TMCC1: variants seen among roughly 807,000 people sequenced by gnomAD.
TMCC1 encodes transmembrane and coiled-coil domain family 1.
TMCC1 carries 15 observed loss-of-function variants against 52.4 expected under a neutral mutation model. The observed-to-expected ratio is 0.29, with a 90% confidence interval of 0.19 to 0.44. The LOEUF (loss-of-function observed/expected upper bound fraction) is 0.44. Among genes scored for constraint, TMCC1 ranks in the 20% least tolerant of loss-of-function variants. The pLI is 1.00. For synonymous variants in TMCC1, 279 were observed against 301.9 expected (o/e 0.92, Z 0.79); for missense variants, 503 against 806.0 (o/e 0.62, Z 4.55).
chr3:129,792,177 T>TATATATATATACATATATATATATACAC (rs1214135101), intron 4 of TMCC1, among the ~76,000 whole-genome samples: 48 of 148,572 alleles, frequency 3.2e-4, no homozygotes, highest in African/African-American at 8.4e-4. Context: ...TTCAACTGTA[T>TATATATATATACATATATATATATACAC]ATATATATAT....
At chr3:129,867,982 G>C (rs188042884) in intron 2 of TMCC1, among the ~76,000 whole-genome samples, 39 of 152,244 alleles carry the variant, frequency 2.6e-4, no homozygotes, top group African/African-American at 8.7e-4. Context: ...CACTACGTTA[G>C]ACTAGTACCC....
chr3:129,760,639 G>A lies in TMCC1; in HGVS notation c.576+67164C>T, dbSNP rs576099771. Among the ~76,000 whole-genome samples the A allele has an allele frequency of 4.6e-3, 692 of 151,986 alleles. 8 individuals are homozygous for A. The highest frequency in any genetic ancestry group is 0.016 in the African/African-American group (659 of 41,484). ...ACTACAGGCGCCCGCCACCATGCCC[G>A]GCTAATTTTTTGTATTTTTAGTAGA... On this transcript the variant is annotated intron_variant, in intron 4 of 6. Transcript: ENST00000393238.
intron 2 of TMCC1, among the ~76,000 whole-genome samples, chr3:129,872,145 G>A (rs1227639381): frequency 5.9e-5 from 9 of 152,302 alleles, no homozygotes; most frequent in Non-Finnish European, 1.0e-4. Flanking sequence ...AGCCACAGTT[G>A]TTATTCCAAC....
At chr3:129,811,696 C>A (rs2057815608) in intron 4 of TMCC1, among the ~76,000 whole-genome samples, 1 of 152,038 alleles carries the variant, frequency 6.6e-6, no homozygotes, top group Non-Finnish European at 1.5e-5. Context: ...GTAATCCCAG[C>A]ACTTTGGGAG....
chr3:129,814,920 C>G (rs1468206222), intron 4 of TMCC1, among the ~76,000 whole-genome samples: 1 of 151,980 alleles, frequency 6.6e-6, no homozygotes, highest in African/African-American at 2.4e-5. Context: ...ATTAGTAGAT[C>G]TAAAGGGAGA....
chr3:129,725,511 A>G (rs2050004133), intron 4 of TMCC1, among the ~76,000 whole-genome samples: 1 of 152,174 alleles, frequency 6.6e-6, no homozygotes, highest in Non-Finnish European at 1.5e-5. Flanking sequence ...GAAAAAAGAA[A>G]TAGAAAAAAG....
rs1383150876 is a variant in TMCC1 at position 129,649,350 on chromosome 3, G to A, written c.*2131C>T. 1 of 152,120 alleles carries A rather than the reference G, an allele frequency of 6.6e-6. No individual in the cohort carries two copies. Among genetic ancestry groups the A allele is most frequent in the South Asian group, 2.1e-4 (1 of 4,830 alleles). 9.4% of individuals were successfully genotyped at this position (152,120 alleles called of 1,614,324 possible). ...CTAAAAAGTCACTGCAATATTTTTAGGCAAAGTTAACATTTTAATACATAT... is the reference window on the plus strand; with the variant it reads ...CTAAAAAGTCACTGCAATATTTTTAAGCAAAGTTAACATTTTAATACATAT... On this transcript the variant is annotated 3_prime_UTR_variant, in exon 7 of 7. Transcript: ENST00000393238.
At chr3:129,716,622 T>G (rs1048774132) in intron 4 of TMCC1, among the ~76,000 whole-genome samples, 2 of 151,860 alleles carry the variant, frequency 1.3e-5, no homozygotes, top group East Asian at 3.9e-4. Context: ...GTGCTGGGAT[T>G]ACAGGCATGA....
chr3:129,842,658 T>C (rs919462944), intron 2 of TMCC1, among the ~76,000 whole-genome samples: 1 of 152,108 alleles, frequency 6.6e-6, no homozygotes, highest in African/African-American at 2.4e-5. Flanking sequence ...TTCTGTGCCA[T>C]AAAAGAAATC....
At position 129,875,818 on chromosome 3, in the gene TMCC1, A is replaced by AT. The variant is rs765317588; in HGVS notation, c.-184+4490_-184+4491insA. ...GCTCATCTGGCTGAGTATGCTACAT[A>AT]GACTGGATACTTTTACCAAAGAATA... is the stretch of plus-strand genomic sequence containing the variant. On this transcript the variant is annotated intron_variant, in intron 2 of 6. Transcript: ENST00000393238. Among the ~76,000 whole-genome samples, 614 of 152,344 alleles carry AT rather than the reference A, an allele frequency of 4.0e-3. 6 individuals carry two copies. The highest frequency in any genetic ancestry group is 5.6e-3 in the Non-Finnish European group (379 of 68,026).
intron 5 of TMCC1, among the ~76,000 whole-genome samples, chr3:129,655,512 T>C (rs182409408): frequency 6.6e-6 from 1 of 152,130 alleles, no homozygotes; most frequent in African/African-American, 2.4e-5. Flanking sequence ...CAGTCACCAG[T>C]AGCTTATTCC....
At chr3:129,699,587 T>C (rs1488615696) in intron 4 of TMCC1, among the ~76,000 whole-genome samples, 1 of 151,764 alleles carries the variant, frequency 6.6e-6, no homozygotes, top group Non-Finnish European at 1.5e-5. Context: ...TCCTTTACTT[T>C]CTTAATAAAC....
chr3:129,711,702 A>T (rs1359312135), intron 4 of TMCC1, among the ~76,000 whole-genome samples: 4 of 151,380 alleles, frequency 2.6e-5, no homozygotes, highest in South Asian at 4.2e-4. Flanking sequence ...ATAATAATAA[A>T]AAATTAGGCC....
At chr3:129,823,818 C>T (rs2058536718) in intron 4 of TMCC1, among the ~76,000 whole-genome samples, 1 of 152,054 alleles carries the variant, frequency 6.6e-6, no homozygotes, top group South Asian at 2.1e-4. Context: ...TCCTAAGATT[C>T]AAAGCTATTG....
chr3:129,834,464 A>G (rs917659462), intron 2 of TMCC1, among the ~76,000 whole-genome samples: 1 of 152,210 alleles, frequency 6.6e-6, no homozygotes, highest in Non-Finnish European at 1.5e-5. Flanking sequence ...GGTTGTTGAA[A>G]CCAACCAATT....
intron 4 of TMCC1, among the ~76,000 whole-genome samples, chr3:129,790,395 A>G (rs1308246935): frequency 6.6e-6 from 1 of 152,254 alleles, no homozygotes; most frequent in African/African-American, 2.4e-5. Context: ...GGTTACCTAC[A>G]GAGATAGGGG....
intron 4 of TMCC1, among the ~76,000 whole-genome samples, chr3:129,761,648 T>G (rs1360061348): frequency 1.3e-5 from 2 of 152,166 alleles, no homozygotes; most frequent in Non-Finnish European, 2.9e-5. Flanking sequence ...TGAATTTCAT[T>G]ACTTTATTCT....
intron 4 of TMCC1, among the ~76,000 whole-genome samples, chr3:129,706,890 C>T (rs534997933): frequency 6.6e-6 from 1 of 152,050 alleles, no homozygotes; most frequent in African/African-American, 2.4e-5. Context: ...CTCACTGCAG[C>T]CTCAAACTCC....
At position 129,697,818 on chromosome 3, in the gene TMCC1, A is replaced by C. The variant is rs370775006; in HGVS notation, c.577-26554T>G. Reference sequence around the variant, plus strand: ...GTCACCTTTGCTCTCGTTGTCAACAAGTTCCTCATCTTCATCTGAGACCAT... The same window carrying C: ...GTCACCTTTGCTCTCGTTGTCAACACGTTCCTCATCTTCATCTGAGACCAT... On this transcript the variant is annotated intron_variant, in intron 4 of 6. Transcript: ENST00000393238. Among the ~76,000 whole-genome samples, 90 of 152,296 alleles carry C rather than the reference A, an allele frequency of 5.9e-4. 1 individual carries two copies. The highest frequency in any genetic ancestry group is 5.4e-3 in the South Asian group (26 of 4,822).
Sources: gnomAD v4.1 joint callset for allele counts (sites outside exome capture counted in the v4.1 genomes callset) on GRCh38, gnomAD v4.1.1 for gene constraint, MANE v1.5 for transcripts, NCBI Gene and HGNC (gene_info 2026-07-23, HGNC 2026-07-21) for gene names.